Variants in TCF4 observed in about 807,000 individuals in gnomAD.
TCF4 encodes the protein SL3-3 enhancer factor 2.
Under a neutral mutation model 82.1 loss-of-function variants are expected in TCF4, and 3 were observed. The observed-to-expected ratio is 0.04, with a 90% CI of 0.02 to 0.09. The LOEUF (loss-of-function observed/expected upper bound fraction) is 0.09, where lower values mean the gene tolerates loss of function less well. TCF4 is among the 10% of genes least tolerant of loss of function. TCF4 has a pLI of 1.00. For synonymous variants in TCF4, 276 were observed against 309.6 expected, an observed-to-expected ratio of 0.89 and a Z score of 1.14; for missense variants, 518 against 852.7, an observed-to-expected ratio of 0.61 and a Z score of 4.89.
chr18:55,228,483 CAGTTACTA>C, intron 18 of TCF4, 122 bp from the exon 19 acceptor site: 1 of 1,387,648 alleles, frequency 7.2e-7, no homozygotes, highest in Non-Finnish European at 1.0e-6. Flanking sequence ...ACAAAAGGAA[CAGTTACTA>C]AGTACTGTGG....
At chr18:55,409,741 CTATT>C (rs1175742247) in intron 5 of TCF4, among the ~76,000 whole-genome samples, 4 of 152,202 alleles carry the variant, frequency 2.6e-5, no homozygotes, top group African/African-American at 9.6e-5. Flanking sequence ...AACATTTTGA[CTATT>C]TAATTTGCTG....
At position 55,554,070 on chromosome 18, in the gene TCF4, T is replaced by A. The variant is rs545326787; in HGVS notation, c.145+31210A>T. 8.5e-5 allele frequency among the ~76,000 whole-genome samples: 13 copies of A among 152,212 alleles called. No individual in the cohort carries two copies. The East Asian group carries it at 9.6e-4, about 11-fold the overall frequency. ...AACATAAAGTCACTCATAATTTTTT[T>A]AAAAAAGATTTGCAGAACAGATTTA... On this transcript the variant is annotated intron_variant, in intron 3 of 19. Coordinates refer to ENST00000354452, the MANE Select transcript of TCF4 (RefSeq NM_001083962.2).
At chr18:55,386,580 T>A (rs2092625861) in intron 6 of TCF4, among the ~76,000 whole-genome samples, 1 of 152,178 alleles carries the variant, frequency 6.6e-6, no homozygotes, top group Non-Finnish European at 1.5e-5. Context: ...AAGAAAACAA[T>A]GCTTACCACA....
At chr18:55,400,982 C>T (rs1319217864) in intron 6 of TCF4, 1 of 1,289,062 alleles carries the variant, frequency 7.8e-7, no homozygotes, top group Admixed American at 2.3e-5. Context: ...CAAAAGCCTC[C>T]CCTCCACGAG....
chr18:55,339,098 G>A (rs900546493), intron 8 of TCF4, among the ~76,000 whole-genome samples: 1 of 151,942 alleles, frequency 6.6e-6, no homozygotes, highest in African/African-American at 2.4e-5. Context: ...AAAAAATTGC[G>A]ACACACTTTA....
chr18:55,369,692 C>T (rs1234620135), intron 6 of TCF4, among the ~76,000 whole-genome samples: 1 of 151,870 alleles, frequency 6.6e-6, no homozygotes, highest in African/African-American at 2.4e-5. Flanking sequence ...CTAATTTTGG[C>T]ATTAAGACAA....
At chr18:55,251,536 A>C (rs2055102867) in intron 15 of TCF4, among the ~76,000 whole-genome samples, 2 of 152,186 alleles carry the variant, frequency 1.3e-5, no homozygotes, top group Admixed American at 1.3e-4. Flanking sequence ...CCAAGTTATC[A>C]AGCCATTTTG....
intron 8 of TCF4, among the ~76,000 whole-genome samples, chr18:55,299,702 C>CA (rs756746251): frequency 2.2e-4 from 34 of 151,694 alleles, no homozygotes; most frequent in African/African-American, 5.1e-4. Flanking sequence ...TTTGAAACAA[C>CA]AAAAAAAATG....
chr18:55,461,171 A>G, intron 4 of TCF4, 56 bp from the exon 5 acceptor site: 1 of 1,435,720 alleles, frequency 7.0e-7, no homozygotes, highest in Non-Finnish European at 9.6e-7. Flanking sequence ...CAGCACATAA[A>G]CAAACATAGC....
chr18:55,588,586 T>C, upstream of TCF4: 3 of 1,520,658 alleles, frequency 2.0e-6, no homozygotes, highest in Non-Finnish European at 1.8e-6. Flanking sequence ...CTCACTTCTT[T>C]CTTTCTCTTA....
intron 13 of TCF4, chr18:55,259,685 TAAGAA>T (rs1002312696): frequency 4.5e-5 from 20 of 442,478 alleles, no homozygotes; most frequent in African/African-American, 3.9e-4. Context: ...TCTGCAGAGC[TAAGAA>T]AAGTGTAAGA....
chr18:55,322,197 G>A, intron 8 of TCF4: 1 of 1,059,832 alleles, frequency 9.4e-7, no homozygotes, highest in East Asian at 5.0e-5. Flanking sequence ...AGTGGAACAG[G>A]GTCCATTATT....
chr18:55,364,214 T>C (rs1444345433), intron 6 of TCF4, among the ~76,000 whole-genome samples: 2 of 152,172 alleles, frequency 1.3e-5, no homozygotes, highest in Non-Finnish European at 2.9e-5. Flanking sequence ...ACTCTATGGA[T>C]AATATTGGAC....
chr18:55,272,455 C>T (rs2060577742), intron 10 of TCF4, among the ~76,000 whole-genome samples: 1 of 151,996 alleles, frequency 6.6e-6, no homozygotes, highest in Non-Finnish European at 1.5e-5. Flanking sequence ...AGGAGTGTGA[C>T]AAAGTGCGAG....
At chr18:55,339,843 A>C (rs1238698841) in intron 8 of TCF4, among the ~76,000 whole-genome samples, 1 of 152,220 alleles carries the variant, frequency 6.6e-6, no homozygotes, top group East Asian at 1.9e-4. Flanking sequence ...AAGATACATT[A>C]TAATGCGTCA....
intron 6 of TCF4, among the ~76,000 whole-genome samples, chr18:55,390,216 C>T (rs1347453991): frequency 6.7e-6 from 1 of 148,304 alleles, no homozygotes; most frequent in African/African-American, 2.5e-5. Context: ...CTTTGGGAGG[C>T]CAAGGTGGGA....
At chr18:55,382,948 G>A (rs888363831) in intron 6 of TCF4, among the ~76,000 whole-genome samples, 1 of 152,198 alleles carries the variant, frequency 6.6e-6, no homozygotes, top group Non-Finnish European at 1.5e-5. Context: ...TTCTGCAGAG[G>A]CAGAACAGAG....
At chr18:55,603,962 G>A (rs1357737138) in intron 2 of TCF4, among the ~76,000 whole-genome samples, 3 of 152,076 alleles carry the variant, frequency 2.0e-5, no homozygotes, top group African/African-American at 4.8e-5. Flanking sequence ...AGATCCTCAC[G>A]TCATCAATGT....
intron 8 of TCF4, 123 bp from the exon 9 acceptor site, chr18:55,279,779 C>A: frequency 6.8e-7 from 1 of 1,467,886 alleles, no homozygotes; most frequent in Non-Finnish European, 9.2e-7. Context: ...TAAATCTGAA[C>A]AAACCCTAGA....
Sources: gnomAD v4.1 joint callset for allele counts (sites outside exome capture counted in the v4.1 genomes callset) on GRCh38, gnomAD v4.1.1 for gene constraint, MANE v1.5 for transcripts, NCBI Gene and HGNC (gene_info 2026-07-23, HGNC 2026-07-21) for gene names.